BTBD9: variants seen among roughly 807,000 people sequenced by gnomAD.
The protein encoded by BTBD9 is BTB domain containing 9.
In BTBD9, 49 loss-of-function variants were observed where a neutral mutation model predicts 64.3. The ratio of observed to expected loss-of-function variants is 0.76; its 90% CI spans 0.61 to 0.97. BTBD9 has a LOEUF of 0.97. BTBD9 is among the 50% of genes least tolerant of loss of function. The pLI, the probability that BTBD9 is intolerant of heterozygous loss-of-function variation, is 0.00. For synonymous variants in BTBD9, 260 were observed against 274.7 expected (o/e 0.95, Z 0.53); for missense variants, 598 against 762.1 (o/e 0.78, Z 2.53).
chr6:38,627,753 T>C (rs2127529627), intron 1 of BTBD9, among the ~76,000 whole-genome samples: 1 of 152,298 alleles, frequency 6.6e-6, no homozygotes. Context: ...TTTTAACAAA[T>C]GAGTCGCTCA....
chr6:38,213,163 C>G (rs1441029141), intron 9 of BTBD9, among the ~76,000 whole-genome samples: 1 of 152,082 alleles, frequency 6.6e-6, no homozygotes, highest in Non-Finnish European at 1.5e-5. Context: ...GTCTCAGAAT[C>G]AAACCTGATC....
In BTBD9 at chr6:38,598,002, A is replaced by C; in HGVS notation, c.93T>G (p.Ile31Met). 6.2e-7 allele frequency: 1 copy of C among 1,614,002 alleles called. No homozygotes were observed. The highest frequency in any genetic ancestry group is 8.5e-7 in the Non-Finnish European group (1 of 1,179,886). ...ILSEHIGALL[I>M]GEEYGDVTFV... ...ATGTGACGTCGCCATATTCTTCCCC[A>C]ATCAACAAGGCACCAATATGTTCAG... Residue 31 changes from isoleucine (I) to methionine (M), a missense_variant, in exon 2 of 11, where the codon ATT (isoleucine) becomes ATG (methionine). Coordinates refer to ENST00000481247, the MANE Select transcript of BTBD9 (RefSeq NM_001099272.2).
rs1268130879 is a variant in BTBD9, at chr6:38,465,733, ATATATATATATATATATATATATGTATG to A, written c.1154+111839_1154+111866del. 4.5e-4 allele frequency among the ~76,000 whole-genome samples: 23 copies of A among 50,594 alleles called. 3 individuals are homozygous for A. In the South Asian group the frequency reaches 0.016, roughly 35 times the overall value. The allele number at this position is 50,594 out of a possible 152,430, so 33.2% of individuals were successfully genotyped here. On this transcript the variant is annotated intron_variant, in intron 6 of 10. Coordinates refer to ENST00000481247, the MANE Select transcript of BTBD9 (RefSeq NM_001099272.2). ...TATATATATATATATATATATATAT[ATATATATATATATATATATATATGTATG>A]TATGTATGTATTTCAGTTATTTATT...
intron 7 of BTBD9, among the ~76,000 whole-genome samples, chr6:38,325,072 G>C (rs1763369697): frequency 2.0e-5 from 3 of 152,072 alleles, no homozygotes; most frequent in Non-Finnish European, 4.4e-5. Flanking sequence ...TATTATGATG[G>C]AACATTAAGT....
At chr6:38,432,888 C>A (rs746773366) in intron 6 of BTBD9, among the ~76,000 whole-genome samples, 8 of 151,998 alleles carry the variant, frequency 5.3e-5, no homozygotes, top group Non-Finnish European at 1.0e-4. Flanking sequence ...TGGCCAGCTT[C>A]ACATTAATAA....
At chr6:38,259,146 G>A (rs988521577) in intron 8 of BTBD9, among the ~76,000 whole-genome samples, 16 of 152,250 alleles carry the variant, frequency 1.1e-4, no homozygotes, top group African/African-American at 3.9e-4. Context: ...GTTCTAACCT[G>A]GTACCTTCAC....
intron 7 of BTBD9, among the ~76,000 whole-genome samples, chr6:38,296,399 C>T (rs1273692589): frequency 1.3e-5 from 2 of 152,046 alleles, no homozygotes; most frequent in Admixed American, 6.6e-5. Context: ...TCTTAAAGAA[C>T]CAACATTGGG....
intron 4 of BTBD9, among the ~76,000 whole-genome samples, chr6:38,584,105 T>C (rs1445569436): frequency 4.6e-5 from 7 of 152,090 alleles, no homozygotes; most frequent in Admixed American, 3.9e-4. Context: ...GACAGGTGGA[T>C]TGCTTGAGTA....
chr6:38,341,408 T>C (rs1295950909), intron 7 of BTBD9, among the ~76,000 whole-genome samples: 1 of 152,238 alleles, frequency 6.6e-6, no homozygotes, highest in Non-Finnish European at 1.5e-5. Flanking sequence ...AATAATCTGA[T>C]AGGAACAAAG....
chr6:38,237,493 T>A (rs1468884702), intron 9 of BTBD9, among the ~76,000 whole-genome samples: 1 of 152,176 alleles, frequency 6.6e-6, no homozygotes, highest in Non-Finnish European at 1.5e-5. Context: ...TAAATGGCAG[T>A]CCCCGGTGAT....
At chr6:38,315,934 T>C (rs1488759642) in intron 7 of BTBD9, among the ~76,000 whole-genome samples, 1 of 152,218 alleles carries the variant, frequency 6.6e-6, no homozygotes, top group Non-Finnish European at 1.5e-5. Context: ...TATCATTGTA[T>C]TAGAGTCTCT....
chr6:38,302,481 G>GTATTTATA (rs1762439666), intron 7 of BTBD9, among the ~76,000 whole-genome samples: 1 of 59,388 alleles, frequency 1.7e-5, no homozygotes, highest in Non-Finnish European at 3.1e-5. Context: ...TCCATTGTGT[G>GTATTTATA]TATGTATATA....
chr6:38,378,245 C>CTT (rs1222285736), intron 6 of BTBD9, among the ~76,000 whole-genome samples: 13 of 136,918 alleles, frequency 9.5e-5, no homozygotes, highest in East Asian at 4.3e-4. Flanking sequence ...CAAAACTTTT[C>CTT]TTTTTTTTTT....
At chr6:38,342,522 C>A (rs182466794) in intron 7 of BTBD9, among the ~76,000 whole-genome samples, 3 of 130,256 alleles carry the variant, frequency 2.3e-5, no homozygotes, top group Admixed American at 9.2e-5. Context: ...GACAACAGAG[C>A]GAGACTCTGT....
At chr6:38,199,115 A>G (rs931123107) in intron 9 of BTBD9, among the ~76,000 whole-genome samples, 2 of 152,178 alleles carry the variant, frequency 1.3e-5, no homozygotes, top group African/African-American at 4.8e-5. Context: ...CCTTGACAGG[A>G]GACACACATT....
intron 6 of BTBD9, among the ~76,000 whole-genome samples, chr6:38,549,198 G>A (rs564168765): frequency 6.6e-6 from 1 of 152,144 alleles, no homozygotes; most frequent in East Asian, 1.9e-4. Flanking sequence ...AGCTATGAAC[G>A]CTGGTAAGAT....
At chr6:38,590,205 G>A (rs1344762475) in intron 4 of BTBD9, among the ~76,000 whole-genome samples, 1 of 151,986 alleles carries the variant, frequency 6.6e-6, no homozygotes, top group Non-Finnish European at 1.5e-5. Flanking sequence ...AAACAAAAAT[G>A]TTTAAAACAA....
chr6:38,318,630 C>G (rs1763115052), intron 7 of BTBD9, among the ~76,000 whole-genome samples: 1 of 152,218 alleles, frequency 6.6e-6, no homozygotes, highest in Admixed American at 6.5e-5. Context: ...AATATAGTCT[C>G]TCTCTCCCTC....
intron 8 of BTBD9, among the ~76,000 whole-genome samples, chr6:38,275,111 C>T (rs1582149576): frequency 1.3e-5 from 2 of 152,170 alleles, no homozygotes; most frequent in Non-Finnish European, 2.9e-5. Flanking sequence ...TACAAGGCTA[C>T]AGTAACCAAA....
Sources: allele counts gnomAD v4.1 joint callset (sites outside exome capture counted in the v4.1 genomes callset), GRCh38; gene constraint gnomAD v4.1.1; transcripts MANE v1.5; gene names NCBI Gene and HGNC (gene_info 2026-07-23, HGNC 2026-07-21).